The following FBXL19 variants were observed in gnomAD, a reference collection of about 807,000 sequenced individuals.
The protein encoded by FBXL19 is F-box and leucine rich repeat protein 19.
In FBXL19, 16 loss-of-function variants were observed where a neutral mutation model predicts 71.2. The ratio of observed to expected loss-of-function variants is 0.22; its 90% CI spans 0.15 to 0.34. The LOEUF (loss-of-function observed/expected upper bound fraction) is 0.34, where lower values mean the gene tolerates loss of function less well. Among genes scored for constraint, FBXL19 ranks in the 10% least tolerant of loss-of-function variants. FBXL19 has a pLI of 1.00. For synonymous variants in FBXL19, 447 were observed against 409.4 expected, an observed-to-expected ratio of 1.09 and a Z score of -1.11; for missense variants, 658 against 968.2, an observed-to-expected ratio of 0.68 and a Z score of 4.25.
At position 30,923,832 on chromosome 16, in the gene FBXL19, G is replaced by C. The variant is rs941199269; in HGVS notation, c.-652G>C. Among the ~76,000 whole-genome samples the C allele has an allele frequency of 2.6e-5, 4 of 151,722 alleles. No homozygotes were observed. The highest frequency in any genetic ancestry group is 2.0e-4 in the East Asian group (1 of 5,108). ...AGGTCGGGGGTGCGCGCGGGCTGGG[G>C]GGGGCGGGGCCGGAGCAGCTTCCTT... is the stretch of plus-strand genomic sequence containing the variant. On this transcript the variant is annotated 5_prime_UTR_variant, in exon 1 of 11. Coordinates refer to ENST00000338343, the MANE Select transcript of FBXL19 (RefSeq NM_001382779.1).
Position 30,942,955 on chromosome 16 carries a change from G to A in FBXL19, c.1627+419G>A, listed in dbSNP as rs999942328. On this transcript the variant is annotated intron_variant, in intron 9 of 10. Coordinates refer to ENST00000338343, the MANE Select transcript of FBXL19 (RefSeq NM_001382779.1). This position sits in a 1 kb window ranked among gnomAD's most constrained non-coding sequence, Gnocchi z 5.7. ...TCCCTCTCAGCTTTGAGAGCAGCCC[G>A]CCAGCATAATACTGGGCAATTGTGG... Among the ~76,000 whole-genome samples the A allele has an allele frequency of 3.9e-5, 6 of 152,190 alleles. No homozygotes were observed. The highest frequency in any genetic ancestry group is 5.9e-5 in the Non-Finnish European group (4 of 68,020).
chr16:30,931,932 G>C (rs1408179530), intron 7 of FBXL19, among the ~76,000 whole-genome samples: 2 of 150,286 alleles, frequency 1.3e-5, no homozygotes, highest in African/African-American at 4.9e-5. Context: ...GTAGAGACAG[G>C]GTATCACCAT....
chr16:30,940,856 C>T (rs1481998333), intron 7 of FBXL19, among the ~76,000 whole-genome samples: 1 of 151,956 alleles, frequency 6.6e-6, no homozygotes, highest in African/African-American at 2.4e-5. Flanking sequence ...TTAGTAGAGA[C>T]AGGGTTTCAC....
Position 30,925,609 on chromosome 16 carries a change from C to T in FBXL19, c.-24-122C>T. ...CCCCCAGATACACAGAAGGGGGTGACCTCCTTGTCCCCCTGAGGAAGAGGG... is the reference window on the plus strand; with the variant it reads ...CCCCCAGATACACAGAAGGGGGTGATCTCCTTGTCCCCCTGAGGAAGAGGG... On this transcript the variant is annotated intron_variant, in intron 1 of 10. Transcript: ENST00000338343. This position sits in a 1 kb window ranked among gnomAD's most constrained non-coding sequence, Gnocchi z 5.0. The T allele has an allele frequency of 9.1e-7, 1 of 1,100,488 alleles. No individual in the cohort carries two copies. The highest frequency in any genetic ancestry group is 1.2e-6 in the Non-Finnish European group (1 of 831,570). 68.2% of individuals were successfully genotyped at this position (1,100,488 alleles called of 1,614,324 possible).
rs540185379 is a variant in FBXL19 at position 30,939,665 on chromosome 16, A to G, written c.1302-2451A>G. Among the ~76,000 whole-genome samples, 126 of 151,400 alleles carry G rather than the reference A, an allele frequency of 8.3e-4. 1 individual carries two copies. Among genetic ancestry groups the G allele is most frequent in the African/African-American group, 3.0e-3 (124 of 41,266 alleles). On this transcript the variant is annotated intron_variant, in intron 7 of 10. Transcript: ENST00000338343. The stretch of plus-strand genomic sequence containing the variant: ...GATCTCCTGACCTAGTGATCCACCC[A>G]CCTCGGCCTCCCAAAGTGCTGGGAT...
At chr16:30,932,839 C>CTT (rs1188274971) in intron 7 of FBXL19, among the ~76,000 whole-genome samples, 147 of 130,492 alleles carry the variant, frequency 1.1e-3, no homozygotes, top group African/African-American at 1.3e-3. Flanking sequence ...GCAATGATAA[C>CTT]TTTTTTTTTT....
chr16:30,927,954 A>C lies in FBXL19; in HGVS notation c.618A>C (p.Pro206=). The change falls in exon 5 of 11, where the codon CCA becomes CCC. Residue 206 remains proline (P), a synonymous_variant. Coordinates refer to ENST00000338343, the MANE Select transcript of FBXL19 (RefSeq NM_001382779.1). ...EREAGNEPPT[P]RKKVKGGRER... is the part of the protein sequence containing the mutation. ...AGGCAGGGAATGAGCCTCCCACCCCAAGGAAAAAGGTGAGCCACGGAGCAC... is the reference window on the plus strand; with the variant it reads ...AGGCAGGGAATGAGCCTCCCACCCCCAGGAAAAAGGTGAGCCACGGAGCAC... 6.6e-7 allele frequency: 1 copy of C among 1,521,846 alleles called. No individual in the cohort carries two copies. Among genetic ancestry groups the C allele is most frequent in the Non-Finnish European group, 8.8e-7 (1 of 1,142,658 alleles). 94.3% of individuals were successfully genotyped at this position (1,521,846 alleles called of 1,614,324 possible).
At chr16:30,936,736 G>A (rs1359676723) in intron 7 of FBXL19, among the ~76,000 whole-genome samples, 4 of 143,196 alleles carry the variant, frequency 2.8e-5, no homozygotes, top group South Asian at 2.3e-4. Flanking sequence ...GTGAGCCAGC[G>A]CGCCCGACCT....
chr16:30,927,883 C>T lies in FBXL19; in HGVS notation c.547C>T (p.Pro183Ser), dbSNP rs770363065. The change falls in exon 5 of 11, where the codon CCC becomes TCC. Residue 183 changes from proline (P) to serine (S), a missense_variant. Transcript: ENST00000338343. ...GCGCAAGGGCCCCCTGCCTGCCGGG[C>T]CCCCCCCGGAGGACGTGCCTGGGCC... ...PRRKGPLPAG[P>S]PPEDVPGPPK... 9 of 1,502,040 alleles carry T rather than the reference C, an allele frequency of 6.0e-6. No individual in the cohort carries two copies. The highest frequency in any genetic ancestry group is 4.7e-5 in the Admixed American group (2 of 42,972). 93.0% of individuals were successfully genotyped at this position (1,502,040 alleles called of 1,614,324 possible).
intron 6 of FBXL19, 67 bp downstream of exon 6, chr16:30,928,695 A>G: frequency 8.2e-7 from 1 of 1,221,262 alleles, no homozygotes; most frequent in Non-Finnish European, 1.0e-6. Flanking sequence ...CTGGAGCCCA[A>G]GACCTGTCCC....
intron 7 of FBXL19, among the ~76,000 whole-genome samples, chr16:30,933,110 C>T (rs1322987500): frequency 3.3e-5 from 5 of 152,062 alleles, no homozygotes; most frequent in South Asian, 2.1e-4. Flanking sequence ...AAGCGATTCT[C>T]CTGCCTCAGC....
rs753173616 is a variant in FBXL19, at chr16:30,947,036, A to T, written c.1847-16A>T. 1.3e-6 allele frequency: 2 copies of T among 1,585,584 alleles called. No homozygotes were observed. The highest frequency in any genetic ancestry group is 1.7e-6 in the Non-Finnish European group (2 of 1,168,618). On this transcript the variant is annotated splice_polypyrimidine_tract_variant and intron_variant, in intron 10 of 10. Coordinates refer to ENST00000338343, the MANE Select transcript of FBXL19 (RefSeq NM_001382779.1). ...TGCTCACCTGCCTGGTCTCAGCTCCACTGCCCCATCCCCAGGTTGCCACCG... is the reference window on the plus strand; with the variant it reads ...TGCTCACCTGCCTGGTCTCAGCTCCTCTGCCCCATCCCCAGGTTGCCACCG...
chr16:30,945,248 C>T (rs1422279481), intron 9 of FBXL19, among the ~76,000 whole-genome samples: 2 of 152,056 alleles, frequency 1.3e-5, no homozygotes, highest in Non-Finnish European at 2.9e-5. Context: ...ATCACCAGGC[C>T]TGGGTTTCCT....
upstream of FBXL19, chr16:30,923,312 C>T (rs1389466750): frequency 7.1e-6 from 3 of 425,490 alleles, no homozygotes; most frequent in Admixed American, 2.4e-5. Context: ...TAACTCCCGG[C>T]ATCCTCGGCT....
rs561196312 is a variant in FBXL19 at position 30,946,630 on chromosome 16, A to G, written c.1628-100A>G. 1 of 1,149,440 alleles carries G rather than the reference A, an allele frequency of 8.7e-7. No individual in the cohort carries two copies. Among genetic ancestry groups the G allele is most frequent in the East Asian group, 2.6e-5 (1 of 38,870 alleles). 71.2% of individuals were successfully genotyped at this position (1,149,440 alleles called of 1,614,324 possible). A position where few individuals can be genotyped will look rare whatever the true frequency, so the allele number is the denominator to read the frequency against. ...AGCAAGCCACAGAGTGCACCAGGTC[A>G]CTCACTTATGTGGGAAGCAGGTGGA... is the stretch of plus-strand genomic sequence containing the variant. On this transcript the variant is annotated intron_variant, in intron 9 of 10. Coordinates refer to ENST00000338343, the MANE Select transcript of FBXL19 (RefSeq NM_001382779.1). This position sits in a 1 kb window ranked among gnomAD's most constrained non-coding sequence, Gnocchi z 6.7.
Position 30,927,416 on chromosome 16 carries a change from A to G in FBXL19, c.286A>G (p.Ile96Val), listed in dbSNP as rs1334401979. 1.9e-6 allele frequency: 3 copies of G among 1,593,666 alleles called. No individual in the cohort carries two copies. The highest frequency in any genetic ancestry group is 1.1e-5 in the South Asian group (1 of 87,682). Residue 96 changes from isoleucine (I) to valine (V), a missense_variant, in exon 3 of 11, where the codon ATC (isoleucine) becomes GTC (valine). Physicochemically the swap from Ile to Val is conservative, Grantham distance 29. Coordinates refer to ENST00000338343, the MANE Select transcript of FBXL19 (RefSeq NM_001382779.1). ...KFGLSLMECT[I>V]CNEIVHPGCL... The stretch of plus-strand genomic sequence containing the variant: ...TGGTTTGAGCCTCATGGAGTGTACA[A>G]TCTGCAACGAGATCGTCCACCCCGG...
At chr16:30,927,277 G>A (rs751070040) in intron 2 of FBXL19, 31 bp from the exon 3 acceptor site, 22 of 1,529,818 alleles carry the variant, frequency 1.4e-5, no homozygotes, top group Non-Finnish European at 1.8e-5. Context: ...GTTAGCTTTC[G>A]GGGCCCCTGA....
chr16:30,929,314 C>G (rs756512024), intron 6 of FBXL19, among the ~76,000 whole-genome samples: 4 of 152,168 alleles, frequency 2.6e-5, no homozygotes, highest in Non-Finnish European at 4.4e-5. Flanking sequence ...TGTTAGAATA[C>G]TGTGAGGATG....
chr16:30,925,779 G>T lies in FBXL19; in HGVS notation c.25G>T (p.Gly9Trp). The T allele has an allele frequency of 6.7e-7, 1 of 1,487,760 alleles. No homozygotes were observed. Among genetic ancestry groups the T allele is most frequent in the Non-Finnish European group, 8.9e-7 (1 of 1,123,514 alleles). 92.2% of individuals were successfully genotyped at this position (1,487,760 alleles called of 1,614,324 possible). The stretch of plus-strand genomic sequence containing the variant: ...AATGTCGTCGAGCAGCCGGGGGCCG[G>T]GGGCCGGAGCGCGCCGACGCCGAAC... MSSSSRGPGAGARRRRTRC... is the reference protein window; with the variant it reads MSSSSRGPWAGARRRRTRC... Residue 9 changes from glycine (G) to tryptophan (W), a missense_variant, in exon 2 of 11, where the codon GGG becomes TGG. By Grantham distance (184) the Gly-to-Trp change is radical. Around this residue, in one of 8 missense-constraint regions of FBXL19, gnomAD observed 25 missense variants for 19.3 expected, o/e 1.30. Transcript: ENST00000338343. The surrounding 1 kb of genome is among the most constrained non-coding windows in gnomAD (Gnocchi z 5.0).
Sources: gnomAD v4.1 joint callset for allele counts (sites outside exome capture counted in the v4.1 genomes callset) on GRCh38, gnomAD v4.1.1 for gene constraint, gnomAD v4.1.1 regional missense constraint, Gnocchi (gnomAD v3.1) non-coding constraint, MANE v1.5 for transcripts, NCBI Gene and HGNC (gene_info 2026-07-23, HGNC 2026-07-21) for gene names.